The following ZFHX4 variants were observed in gnomAD, a reference collection of about 807,000 sequenced individuals.
The protein encoded by ZFHX4 is zinc finger homeobox protein 4.
In ZFHX4, 56 loss-of-function variants were observed where a neutral mutation model predicts 267.6. The observed-to-expected ratio is 0.21, with a 90% CI of 0.17 to 0.26. The LOEUF (loss-of-function observed/expected upper bound fraction) is 0.26, where lower values mean the gene tolerates loss of function less well. Ranked by LOEUF, ZFHX4 falls within the 10% of genes least tolerant of loss-of-function variation. The pLI, the probability that ZFHX4 is intolerant of heterozygous loss-of-function variation, is 1.00. For synonymous variants in ZFHX4, 1,778 were observed against 1,665.6 expected (o/e 1.07, Z -1.64); for missense variants, 4,332 against 4,420.0 (o/e 0.98, Z 0.56).
chr8:76,746,891 G>T (rs189029918), intron 3 of ZFHX4, among the ~76,000 whole-genome samples: 55 of 152,248 alleles, frequency 3.6e-4, no homozygotes, highest in Admixed American at 1.4e-3. Flanking sequence ...CTACATGGCC[G>T]CAAACTCGAC....
rs142226384 is a variant in ZFHX4, at chr8:76,825,305, T to C, written c.3326-8033T>C. 2.8e-3 allele frequency among the ~76,000 whole-genome samples: 420 copies of C among 152,336 alleles called. 1 individual carries two copies. Among genetic ancestry groups the C allele is most frequent in the Non-Finnish European group, 4.2e-3 (287 of 68,026 alleles). On this transcript the variant is annotated intron_variant, in intron 4 of 10. Transcript: ENST00000651372. ...TGCAAACTTATTATTGTTTCCACTT[T>C]CACATATAGAATCCTGAATGTCAGG...
At chr8:76,687,869 C>T (rs1181755528) in intron 1 of ZFHX4, among the ~76,000 whole-genome samples, 2 of 152,062 alleles carry the variant, frequency 1.3e-5, no homozygotes, top group African/African-American at 4.8e-5. Flanking sequence ...ATGAAAAGCT[C>T]TGTTGAATAG....
intron 3 of ZFHX4, among the ~76,000 whole-genome samples, chr8:76,777,878 G>GTTTTTTTTT (rs1563516399): frequency 7.2e-6 from 1 of 139,138 alleles, no homozygotes; most frequent in Non-Finnish European, 1.6e-5. Context: ...GTTTGTTTTT[G>GTTTTTTTTT]TTTTTTGTTT....
intron 3 of ZFHX4, among the ~76,000 whole-genome samples, chr8:76,717,247 C>A (rs1808599854): frequency 6.6e-6 from 1 of 152,132 alleles, no homozygotes; most frequent in Admixed American, 6.6e-5. Context: ...ATTTTAGTTA[C>A]AAGACTCGAG....
chr8:76,760,939 A>G (rs1250627678), intron 3 of ZFHX4, among the ~76,000 whole-genome samples: 1 of 150,726 alleles, frequency 6.6e-6, no homozygotes, highest in Non-Finnish European at 1.5e-5. Context: ...AAAAAAAAAA[A>G]AAAAAAAAAA....
chr8:76,812,752 G>A (rs1029637223), intron 4 of ZFHX4, among the ~76,000 whole-genome samples: 12 of 152,048 alleles, frequency 7.9e-5, no homozygotes, highest in African/African-American at 2.7e-4. Context: ...CATAAAGATT[G>A]TAACGAAAAA....
chr8:76,804,314 TA>T (rs1158410470), intron 4 of ZFHX4, among the ~76,000 whole-genome samples: 1 of 152,130 alleles, frequency 6.6e-6, no homozygotes, highest in Non-Finnish European at 1.5e-5. Context: ...ATTTTTAATT[TA>T]AAAACTATAT....
rs543315778 is a variant in ZFHX4 at position 76,784,450 on chromosome 8, CAT to C, written c.3325+6012_3325+6013del. Among the ~76,000 whole-genome samples the C allele has an allele frequency of 3.7e-3, 555 of 152,010 alleles. 8 individuals are homozygous for C. Among genetic ancestry groups the C allele is most frequent in the Non-Finnish European group, 3.8e-3 (261 of 67,894 alleles). On this transcript the variant is annotated intron_variant, in intron 4 of 10. Coordinates refer to ENST00000651372, the MANE Select transcript of ZFHX4 (RefSeq NM_024721.5). Reference sequence around the variant, plus strand: ...TTTTACCTTGATACAGAAAGGCAGTCATGTGTGAGATTTAATATACATCCTAA... The same window carrying C: ...TTTTACCTTGATACAGAAAGGCAGTCGTGTGAGATTTAATATACATCCTAA...
intron 3 of ZFHX4, among the ~76,000 whole-genome samples, chr8:76,737,662 C>T (rs553385810): frequency 6.6e-6 from 1 of 152,220 alleles, no homozygotes; most frequent in Non-Finnish European, 1.5e-5. Flanking sequence ...GTGAGGATTA[C>T]ATATGATAAT....
rs1812557698 is a variant in ZFHX4, at chr8:76,852,402, A to G, written c.5481A>G (p.Gln1827=). 1.3e-6 allele frequency: 2 copies of G among 1,555,196 alleles called. No homozygotes were observed. The highest frequency in any genetic ancestry group is 1.7e-6 in the Non-Finnish European group (2 of 1,148,870). The part of the protein sequence containing the change: ...QQPPPPQQQQ[Q]QQASKLLKQE... Reference sequence around the variant, plus strand: ...CACCACCTCCACAGCAGCAGCAGCAACAGCAGGCAAGCAAATTATTGAAAC... The same window carrying G: ...CACCACCTCCACAGCAGCAGCAGCAGCAGCAGGCAAGCAAATTATTGAAAC... Residue 1827 remains glutamine, a synonymous_variant, in exon 10 of 11, where the codon CAA becomes CAG. Transcript: ENST00000651372.
intron 3 of ZFHX4, 145 bp from the exon 4 acceptor site, chr8:76,778,063 T>C: frequency 6.4e-6 from 4 of 623,642 alleles, no homozygotes; most frequent in African/African-American, 1.8e-5. Context: ...ACTTTTCAGG[T>C]GGTAGGCTGG....
At chr8:76,781,961 A>T (rs1306460979) in intron 4 of ZFHX4, among the ~76,000 whole-genome samples, 1 of 152,168 alleles carries the variant, frequency 6.6e-6, no homozygotes. Flanking sequence ...AACATGTTTA[A>T]TTTCAGACAT....
chr8:76,744,538 A>T (rs938635975), intron 3 of ZFHX4, among the ~76,000 whole-genome samples: 1 of 151,902 alleles, frequency 6.6e-6, no homozygotes, highest in African/African-American at 2.4e-5. Flanking sequence ...TCAGCCTTCC[A>T]AGTAGCTGAG....
At position 76,851,407 on chromosome 8, in the gene ZFHX4, G is replaced by A. The variant is rs771813296; in HGVS notation, c.4486G>A (p.Glu1496Lys). Reference sequence around the variant, plus strand: ...GGAGAGAGAGTATGAGGTGGACCACGAAGGGAAAGCAAGTCCTGTAGGAAG... The same window carrying A: ...GGAGAGAGAGTATGAGGTGGACCACAAAGGGAAAGCAAGTCCTGTAGGAAG... ...EMEREYEVDH[E>K]GKASPVGSDS... Residue 1496 changes from glutamate (E) to lysine (K), a missense_variant, in exon 10 of 11, where the codon GAA becomes AAA. Glu to Lys is a moderately conservative substitution (Grantham distance 56). Transcript: ENST00000651372. The A allele has an allele frequency of 2.5e-6, 4 of 1,613,872 alleles. No individual in the cohort carries two copies. Among genetic ancestry groups the A allele is most frequent in the South Asian group, 2.2e-5 (2 of 91,072 alleles).
At chr8:76,827,010 G>C (rs1811802841) in intron 4 of ZFHX4, among the ~76,000 whole-genome samples, 2 of 152,330 alleles carry the variant, frequency 1.3e-5, no homozygotes, top group South Asian at 4.1e-4. Context: ...GAGCAACCTA[G>C]CAAAGCCAGC....
At chr8:76,729,663 C>T (rs938247046) in intron 3 of ZFHX4, among the ~76,000 whole-genome samples, 1 of 152,134 alleles carries the variant, frequency 6.6e-6, no homozygotes, top group African/African-American at 2.4e-5. Flanking sequence ...CATAATTTTA[C>T]ATATGCTGGT....
At chr8:76,703,402 A>G (rs970425608) in intron 1 of ZFHX4, among the ~76,000 whole-genome samples, 2 of 152,146 alleles carry the variant, frequency 1.3e-5, no homozygotes, top group African/African-American at 4.8e-5. Flanking sequence ...GTGGGGAGGA[A>G]TTGTGATTGG....
intron 4 of ZFHX4, among the ~76,000 whole-genome samples, chr8:76,811,267 T>C (rs1230066286): frequency 6.6e-6 from 1 of 152,198 alleles, no homozygotes; most frequent in Admixed American, 6.5e-5. Flanking sequence ...TTTTACACAT[T>C]TAGCCTGAGA....
At chr8:76,786,603 T>C (rs1810698652) in intron 4 of ZFHX4, among the ~76,000 whole-genome samples, 1 of 151,996 alleles carries the variant, frequency 6.6e-6, no homozygotes, top group South Asian at 2.1e-4. Flanking sequence ...CAAGTTTTGG[T>C]TTAATATCTC....
Sources: gnomAD v4.1 joint callset for allele counts (sites outside exome capture counted in the v4.1 genomes callset) on GRCh38, gnomAD v4.1.1 for gene constraint, MANE v1.5 for transcripts, NCBI Gene and HGNC (gene_info 2026-07-23, HGNC 2026-07-21) for gene names.